The following TRMT11 variants were observed in gnomAD, a reference collection of about 807,000 sequenced individuals.
TRMT11 encodes the protein tRNA methyltransferase 11, also known as tRNA (guanine(10)-N(2))-methyltransferase TRMT11.
A neutral mutation model predicts 62.8 loss-of-function variants in TRMT11; 53 were observed. The ratio of observed to expected loss-of-function variants is 0.84; its 90% CI spans 0.68 to 1.06. The LOEUF (loss-of-function observed/expected upper bound fraction) is 1.06, where lower values mean the gene tolerates loss of function less well. Ranked by LOEUF, TRMT11 falls within the 50% of genes least tolerant of loss-of-function variation. The pLI, the probability that TRMT11 is intolerant of heterozygous loss-of-function variation, is 0.00. For missense variants in TRMT11, 556 were observed against 553.4 expected, an observed-to-expected ratio of 1.00 and a Z score of -0.05; for synonymous variants, 188 against 190.3, an observed-to-expected ratio of 0.99 and a Z score of 0.10.
At chr6:125,999,907 TGTAAA>T (rs2128767537) in intron 7 of TRMT11, among the ~76,000 whole-genome samples, 1 of 152,286 alleles carries the variant, frequency 6.6e-6, no homozygotes, top group East Asian at 1.9e-4. Flanking sequence ...GTAGAAATGT[TGTAAA>T]GCTGTATAGT....
chr6:126,135,832 A>G (rs536768378), intron 21 of TRMT11, among the ~76,000 whole-genome samples: 121 of 152,016 alleles, frequency 8.0e-4, no homozygotes, highest in Middle Eastern at 3.4e-3. Context: ...ACAGTTCAAC[A>G]TACACAAATC....
intron 11 of TRMT11, among the ~76,000 whole-genome samples, chr6:126,017,699 A>C (rs998254204): frequency 2.6e-5 from 4 of 152,224 alleles, no homozygotes; most frequent in Non-Finnish European, 4.4e-5. Context: ...CAGCAGAATT[A>C]ATCAGTCCAT....
chr6:126,128,741 G>A (rs1296449404), intron 21 of TRMT11, among the ~76,000 whole-genome samples: 1 of 151,916 alleles, frequency 6.6e-6, no homozygotes, highest in Non-Finnish European at 1.5e-5. Context: ...TACATATTTG[G>A]TCCAGCAGTT....
intron 21 of TRMT11, among the ~76,000 whole-genome samples, chr6:126,134,361 G>T (rs1434232821): frequency 6.6e-6 from 1 of 151,774 alleles, no homozygotes; most frequent in Non-Finnish European, 1.5e-5. Context: ...ACTTAAATCA[G>T]ATAAAATAGA....
At chr6:126,115,097 A>G (rs961709291) in intron 19 of TRMT11, among the ~76,000 whole-genome samples, 1 of 151,908 alleles carries the variant, frequency 6.6e-6, no homozygotes, top group Non-Finnish European at 1.5e-5. Flanking sequence ...TCACTAAGGG[A>G]CTGTACTAAC....
At chr6:126,101,659 G>A (rs1183469416) in intron 17 of TRMT11, among the ~76,000 whole-genome samples, 1 of 152,218 alleles carries the variant, frequency 6.6e-6, no homozygotes, top group African/African-American at 2.4e-5. Context: ...TTAATTTTAA[G>A]TGAAAATACC....
downstream of TRMT11, among the ~76,000 whole-genome samples, chr6:126,041,953 G>A (rs138413688): frequency 2.1e-4 from 32 of 152,170 alleles, no homozygotes; most frequent in African/African-American, 7.5e-4. Context: ...TTTGATTTCC[G>A]ACTTACCCAC....
At chr6:126,212,733 C>G in the TRMT11 span, among the ~76,000 whole-genome samples, 1 of 152,084 alleles carries the variant, frequency 6.6e-6, no homozygotes, top group Non-Finnish European at 1.5e-5. Flanking sequence ...TGGGTTGTCT[C>G]TTTACTTTGC....
At chr6:126,229,309 A>C in the TRMT11 span, among the ~76,000 whole-genome samples, 1 of 152,220 alleles carries the variant, frequency 6.6e-6, no homozygotes, top group Admixed American at 6.5e-5. Context: ...GCCAGGGGGA[A>C]ACATTTCCAA....
At chr6:126,035,600 G>A (rs531119528) in intron 12 of TRMT11, among the ~76,000 whole-genome samples, 2 of 152,220 alleles carry the variant, frequency 1.3e-5, no homozygotes, top group South Asian at 2.1e-4. Context: ...CCAGTAGCAT[G>A]TATGTCTTTG....
chr6:126,048,047 T>C (rs897992309), intron 16 of TRMT11, among the ~76,000 whole-genome samples: 2 of 152,184 alleles, frequency 1.3e-5, no homozygotes, highest in African/African-American at 4.8e-5. Flanking sequence ...GCTAATCCTT[T>C]GGGGGAAAAC....
At chr6:126,242,049 C>T in the TRMT11 span, among the ~76,000 whole-genome samples, 2 of 152,032 alleles carry the variant, frequency 1.3e-5, no homozygotes, top group African/African-American at 2.4e-5. Context: ...CGTCTCAGCC[C>T]AAAATCTCCT....
At chr6:126,069,671 C>T (rs73594046) in intron 17 of TRMT11, among the ~76,000 whole-genome samples, 105 of 152,278 alleles carry the variant, frequency 6.9e-4, no homozygotes, top group African/African-American at 2.4e-3. Flanking sequence ...CAGTTGCTGC[C>T]GCCAGCAGAG....
At chr6:126,084,033 A>C (rs1011403903) in intron 17 of TRMT11, among the ~76,000 whole-genome samples, 1 of 152,200 alleles carries the variant, frequency 6.6e-6, no homozygotes, top group Non-Finnish European at 1.5e-5. Context: ...AGCTCTTGTG[A>C]ATAATGCTGC....
chr6:126,191,547 A>C (rs1372405394), intron 1 of TRMT11, among the ~76,000 whole-genome samples: 8 of 141,592 alleles, frequency 5.7e-5, no homozygotes, highest in African/African-American at 2.1e-4. Flanking sequence ...GCATTTCCCC[A>C]ATGTTTTCTT....
At chr6:126,250,143 TAAG>T in the TRMT11 span, among the ~76,000 whole-genome samples, 1 of 152,158 alleles carries the variant, frequency 6.6e-6, no homozygotes, top group Non-Finnish European at 1.5e-5. Context: ...TATTATAGAA[TAAG>T]AAGGGGAACA....
At chr6:126,149,098 A>G (rs781125522) in intron 21 of TRMT11, among the ~76,000 whole-genome samples, 1 of 152,230 alleles carries the variant, frequency 6.6e-6, no homozygotes, top group African/African-American at 2.4e-5. Context: ...CCTCAATGTA[A>G]TGACCAGAAT....
At chr6:126,144,591 A>G (rs1436413788) in intron 21 of TRMT11, among the ~76,000 whole-genome samples, 4 of 152,198 alleles carry the variant, frequency 2.6e-5, no homozygotes, top group African/African-American at 7.2e-5. Flanking sequence ...TTTGCAGACA[A>G]TGAATCACAA....
chr6:126,258,456 A>G, the TRMT11 span: 4 of 255,348 alleles, frequency 1.6e-5, no homozygotes, highest in Non-Finnish European at 3.1e-5. Context: ...GCGCAGCTCC[A>G]CGGAGATTAC....
Sources: allele counts gnomAD v4.1 joint callset (sites outside exome capture counted in the v4.1 genomes callset), GRCh38; gene constraint gnomAD v4.1.1; transcripts MANE v1.5; gene names NCBI Gene and HGNC (gene_info 2026-07-23, HGNC 2026-07-21).